The following SLC66A1 variants were observed in gnomAD, a reference collection of about 807,000 sequenced individuals.
The protein encoded by SLC66A1 is lysosomal amino acid transporter 1 homolog.
A neutral mutation model predicts 33.0 loss-of-function variants in SLC66A1; 23 were observed. The ratio of observed to expected loss-of-function variants is 0.70; its 90% CI spans 0.50 to 0.99. The LOEUF (loss-of-function observed/expected upper bound fraction) is 0.99, where lower values mean the gene tolerates loss of function less well. Among genes scored for constraint, SLC66A1 ranks in the 50% least tolerant of loss-of-function variants. SLC66A1 has a pLI of 0.00. For missense variants in SLC66A1, 335 were observed against 383.6 expected, an observed-to-expected ratio of 0.87 and a Z score of 1.06; for synonymous variants, 164 against 175.5, an observed-to-expected ratio of 0.93 and a Z score of 0.52.
At chr1:19,324,518 C>T (rs1378606163) in intron 2 of SLC66A1, 115 bp from the exon 3 acceptor site, 1 of 1,350,422 alleles carries the variant, frequency 7.4e-7, no homozygotes, top group Admixed American at 2.0e-5. Flanking sequence ...AGGCCACTTC[C>T]TCTCCATCGC....
chr1:19,327,183 A>G (rs548124374), intron 6 of SLC66A1, 44 bp from the exon 7 acceptor site: 5 of 1,531,986 alleles, frequency 3.3e-6, no homozygotes, highest in African/African-American at 2.7e-5. Context: ...CAGAGTGACA[A>G]GAGGCCTGTT....
At chr1:19,314,796 G>T (rs1471886925) in intron 1 of SLC66A1, among the ~76,000 whole-genome samples, 1 of 152,208 alleles carries the variant, frequency 6.6e-6, no homozygotes, top group African/African-American at 2.4e-5. Flanking sequence ...AGGGGGTGTG[G>T]GGGTGCACCC....
chr1:19,324,913 GC>G, intron 3 of SLC66A1, 151 bp downstream of exon 3: 1 of 1,134,892 alleles, frequency 8.8e-7, no homozygotes, highest in Non-Finnish European at 1.2e-6. Context: ...CCTTCTGTCT[GC>G]CGAACTGTGA....
chr1:19,317,656 C>T lies in SLC66A1; in HGVS notation c.-22C>T, dbSNP rs779412047. On this transcript the variant is annotated 5_prime_UTR_variant, in exon 2 of 8. Transcript: ENST00000375153. ...TCCCTCCGGTGCAGCCCTGCCTGGC[C>T]GGGGGCCCCTCCTCCACAGCCATGG... 6 of 1,612,560 alleles carry T rather than the reference C, an allele frequency of 3.7e-6. No individual in the cohort carries two copies. The highest frequency in any genetic ancestry group is 2.2e-5 in the East Asian group (1 of 44,864).
intron 2 of SLC66A1, among the ~76,000 whole-genome samples, chr1:19,318,420 C>T (rs2093817138): frequency 6.6e-6 from 1 of 152,164 alleles, no homozygotes; most frequent in South Asian, 2.1e-4. Flanking sequence ...TGTCACCTCA[C>T]TGCTCTGAGC....
chr1:19,324,150 G>T (rs887215555), intron 2 of SLC66A1, among the ~76,000 whole-genome samples: 1 of 152,254 alleles, frequency 6.6e-6, no homozygotes, highest in Non-Finnish European at 1.5e-5. Flanking sequence ...CTGGGGTTCT[G>T]CCTGTCTTGG....
chr1:19,330,030 C>T (rs890547192), downstream of SLC66A1, among the ~76,000 whole-genome samples: 2 of 152,118 alleles, frequency 1.3e-5, no homozygotes, highest in African/African-American at 4.8e-5. Flanking sequence ...TACAGTGGTG[C>T]GATCATAGCT....
intron 6 of SLC66A1, 91 bp from the exon 7 acceptor site, chr1:19,327,136 T>C: frequency 7.8e-7 from 1 of 1,289,406 alleles, no homozygotes; most frequent in Non-Finnish European, 1.1e-6. Context: ...GCAGGTGCAC[T>C]GTGGTGGGGC....
downstream of SLC66A1, among the ~76,000 whole-genome samples, chr1:19,331,932 T>C (rs2093893577): frequency 6.6e-6 from 1 of 152,202 alleles, no homozygotes; most frequent in African/African-American, 2.4e-5. Flanking sequence ...GCAGGAGCTA[T>C]GGTTCCTTCC....
rs751810417 is a variant in SLC66A1, at chr1:19,321,008, C to T, written c.164+3167C>T. ...GATTACAACTGTGAACCACCCTGCT[C>T]GGCCGTCTTTTCACTTTCTTGATGG... On this transcript the variant is annotated intron_variant, in intron 2 of 7. Coordinates refer to ENST00000375153, the MANE Select transcript of SLC66A1 (RefSeq NM_001040125.2). Among the ~76,000 whole-genome samples the T allele has an allele frequency of 1.3e-5, 2 of 149,802 alleles. 1 individual carries two copies. Among genetic ancestry groups the T allele is most frequent in the African/African-American group, 5.1e-5 (2 of 39,292 alleles).
intron 1 of SLC66A1, among the ~76,000 whole-genome samples, chr1:19,315,006 C>G (rs2093797593): frequency 6.6e-6 from 1 of 152,106 alleles, no homozygotes; most frequent in Non-Finnish European, 1.5e-5. Flanking sequence ...CTCCTGGGTT[C>G]AAGTGATTCT....
chr1:19,317,973 C>G lies in SLC66A1; in HGVS notation c.164+132C>G, dbSNP rs1440529288. 7 of 1,349,514 alleles carry G rather than the reference C, an allele frequency of 5.2e-6. No individual in the cohort carries two copies. In the South Asian group the frequency reaches 5.5e-5, roughly 11 times the overall value. The allele number at this position is 1,349,514 out of a possible 1,614,324, so 83.6% of individuals were successfully genotyped here. A position where few individuals can be genotyped will look rare whatever the true frequency, so the allele number is the denominator to read the frequency against. On this transcript the variant is annotated intron_variant, in intron 2 of 7. Coordinates refer to ENST00000375153, the MANE Select transcript of SLC66A1 (RefSeq NM_001040125.2). ...GACTAGAGGCTGGGGTGTGTTCCCT[C>G]GACAGGGACCTGCACTGATTGCTAC...
intron 1 of SLC66A1, among the ~76,000 whole-genome samples, chr1:19,314,868 C>T (rs764638331): frequency 5.3e-5 from 8 of 151,730 alleles, no homozygotes; most frequent in African/African-American, 9.7e-5. Flanking sequence ...GCCTTGCAAA[C>T]GTGTAGTTCT....
rs200102204 is a variant in SLC66A1 at position 19,326,402 on chromosome 1, T to G, written c.525+15T>G. On this transcript the variant is annotated intron_variant, in intron 5 of 7. Coordinates refer to ENST00000375153, the MANE Select transcript of SLC66A1 (RefSeq NM_001040125.2). ...CGGGCAGCAAGGTGAGGCGTGGGCG[T>G]GGCGGTCGAAGGGATGGAGGCTGGC... is the stretch of plus-strand genomic sequence containing the variant. 1 of 1,605,926 alleles carries G rather than the reference T, an allele frequency of 6.2e-7. No homozygotes were observed. Among genetic ancestry groups the G allele is most frequent in the Non-Finnish European group, 8.5e-7 (1 of 1,176,918 alleles).
chr1:19,325,875 A>T (rs1191667874), intron 4 of SLC66A1, among the ~76,000 whole-genome samples: 3 of 152,142 alleles, frequency 2.0e-5, no homozygotes, highest in African/African-American at 7.2e-5. Flanking sequence ...CTGGGCTTGG[A>T]GCTGGGGAAA....
At chr1:19,331,164 G>T (rs919071402), downstream of SLC66A1, among the ~76,000 whole-genome samples, 1 of 152,080 alleles carries the variant, frequency 6.6e-6, no homozygotes, top group Non-Finnish European at 1.5e-5. Flanking sequence ...GGCGCCTGCC[G>T]CCACGCTCAG....
At chr1:19,325,104 C>T (rs963848330) in intron 3 of SLC66A1, among the ~76,000 whole-genome samples, 1 of 152,228 alleles carries the variant, frequency 6.6e-6, no homozygotes, top group African/African-American at 2.4e-5. Flanking sequence ...AGATGCCATC[C>T]TGCTCCTGTG....
chr1:19,329,389 G>C (rs1222673207), downstream of SLC66A1: 1 of 152,576 alleles, frequency 6.6e-6, no homozygotes, highest in Non-Finnish European at 1.5e-5. Flanking sequence ...GATTCAGGAC[G>C]AGCTGAGCAG....
chr1:19,324,882 C>A, intron 3 of SLC66A1, 120 bp downstream of exon 3: 3 of 1,364,890 alleles, frequency 2.2e-6, no homozygotes, highest in South Asian at 1.4e-5. Context: ...CCCGTCATTC[C>A]ATCTTGTGGG....
Sources: gnomAD v4.1 joint callset for allele counts (sites outside exome capture counted in the v4.1 genomes callset) on GRCh38, gnomAD v4.1.1 for gene constraint, MANE v1.5 for transcripts, NCBI Gene and HGNC (gene_info 2026-07-23, HGNC 2026-07-21) for gene names.